CES1: variants seen among roughly 807,000 people sequenced by gnomAD.
The protein encoded by CES1 is liver carboxylesterase 1.
In CES1, 50 loss-of-function variants were observed where a neutral mutation model predicts 53.0. The ratio of observed to expected loss-of-function variants is 0.94; its 90% CI spans 0.75 to 1.19. The LOEUF (loss-of-function observed/expected upper bound fraction) is 1.19. CES1 is among the 50% of genes most tolerant of loss of function. The probability of loss-of-function intolerance (pLI) is 0.00; values close to 1 mark genes in which losing one functional copy is unlikely to be tolerated. For synonymous variants in CES1, 202 were observed against 210.1 expected, an observed-to-expected ratio of 0.96 and a Z score of 0.33; for missense variants, 534 against 538.0, an observed-to-expected ratio of 0.99 and a Z score of 0.07.
At position 55,809,093 on chromosome 16, in the gene CES1, C is replaced by CA. The variant is rs376932562; in HGVS notation, c.1318+1423dup. 5.8e-3 allele frequency among the ~76,000 whole-genome samples: 415 copies of CA among 71,972 alleles called. 21 individuals are homozygous for CA. Among genetic ancestry groups the CA allele is most frequent in the East Asian group, 0.01 (31 of 2,994 alleles). 47.2% of individuals were successfully genotyped at this position (71,972 alleles called of 152,430 possible). Reference sequence around the variant, plus strand: ...GTAGATAAAATCTGTGTAGTCCTGGCAAAAAAAAAAAAAAAAAAGCCCTGA... The same window carrying CA: ...GTAGATAAAATCTGTGTAGTCCTGGCAAAAAAAAAAAAAAAAAAAGCCCTGA... On this transcript the variant is annotated intron_variant, in intron 11 of 13. Transcript: ENST00000360526.
intron 6 of CES1, 24 bp downstream of exon 6, chr16:55,820,348 G>C (rs1316447096): frequency 9.8e-6 from 14 of 1,431,492 alleles, no homozygotes; most frequent in Non-Finnish European, 1.3e-5. Context: ...TGTCCAGCCG[G>C]AGACGTACCA....
rs747893163 is a variant in CES1, at chr16:55,810,581, G to A, written c.1254C>T (p.Phe418=). ...ACATCACATCTGCTATCAAGTCCAG[G>A]AACAGGTCTTTCTTTTTGACAGTGT... ...TDDTVKKKDL[F]LDLIADVMFG... The change falls in exon 11 of 14, where the codon TTC becomes TTT. Residue 418 remains phenylalanine (F), a synonymous_variant. Transcript: ENST00000360526. 6 of 1,614,000 alleles carry A rather than the reference G, an allele frequency of 3.7e-6. No homozygotes were observed. The highest frequency in any genetic ancestry group is 5.1e-6 in the Non-Finnish European group (6 of 1,180,024).
At chr16:55,820,988 C>T (rs2032161705) in intron 5 of CES1, among the ~76,000 whole-genome samples, 1 of 152,114 alleles carries the variant, frequency 6.6e-6, no homozygotes. Context: ...CTCTGCCTGC[C>T]CTTACTCATA....
chr16:55,813,982 A>T (rs146796664), intron 8 of CES1, among the ~76,000 whole-genome samples: 1 of 152,232 alleles, frequency 6.6e-6, no homozygotes, highest in Non-Finnish European at 1.5e-5. Context: ...TGACCATGAA[A>T]GTGCCACCAG....
At chr16:55,817,325 A>T (rs1247784591) in intron 7 of CES1, among the ~76,000 whole-genome samples, 1 of 152,194 alleles carries the variant, frequency 6.6e-6, no homozygotes, top group African/African-American at 2.4e-5. Context: ...AGAATGGTAG[A>T]TTCTCAATAA....
At chr16:55,815,000 C>T (rs574302879) in intron 8 of CES1, among the ~76,000 whole-genome samples, 1 of 152,346 alleles carries the variant, frequency 6.6e-6, no homozygotes, top group Admixed American at 6.5e-5. Context: ...GCAGGGCAGA[C>T]TACGTGGAAG....
rs567812876 is a variant in CES1, at chr16:55,820,226, G to A, written c.801+146C>T. On this transcript the variant is annotated intron_variant, in intron 6 of 13. Transcript: ENST00000360526. ...GGGACGCTGATCAAGGTGTCTCCTC[G>A]CCCTTCCTGCTCAGCCATTGGTGCC... 2,228 of 622,918 alleles carry A rather than the reference G, an allele frequency of 3.6e-3. 2 individuals carry two copies. Among genetic ancestry groups the A allele is most frequent in the Non-Finnish European group, 5.2e-3 (1,794 of 347,668 alleles). The allele number at this position is 622,918 out of a possible 1,614,324, so 38.6% of individuals were successfully genotyped here.
At position 55,812,992 on chromosome 16, in the gene CES1, G is replaced by A. The variant is rs564847260; in HGVS notation, c.997C>T (p.Pro333Ser). 5.6e-6 allele frequency: 9 copies of A among 1,613,894 alleles called. No homozygotes were observed. The Admixed American group carries it at 8.3e-5, about 15-fold the overall frequency. ...VIDGMLLLKT[P>S]EELQAERNFH... ...TTCCTTTCAGCTTGAAGCTCTTCAG[G>A]TGTTTTCAGCAGCAGCATCCCATCA... The change falls in exon 9 of 14, where the codon CCT (proline) becomes TCT (serine). Residue 333 changes from proline to serine, a missense_variant. This residue lies in a region of CES1 where 269 missense variants were observed against 206.6 expected (regional missense o/e 1.30). Transcript: ENST00000360526.
chr16:55,826,705 C>T (rs544501410), intron 2 of CES1, among the ~76,000 whole-genome samples: 1 of 152,138 alleles, frequency 6.6e-6, no homozygotes, highest in Non-Finnish European at 1.5e-5. Flanking sequence ...GGGTGAATTC[C>T]TTTTACACTC....
chr16:55,828,646 T>C, intron 2 of CES1, 121 bp downstream of exon 2: 2 of 1,109,136 alleles, frequency 1.8e-6, no homozygotes, highest in African/African-American at 1.6e-5. Context: ...GGAATGTTCT[T>C]AAGGATCTAC....
chr16:55,827,999 ATT>A (rs2032484149), intron 2 of CES1: 1 of 152,536 alleles, frequency 6.6e-6, no homozygotes, highest in African/African-American at 2.4e-5. Context: ...ATAAGTATAT[ATT>A]ACATTTGCAC....
rs373848052 is a variant in CES1, at chr16:55,816,860, A to T, written c.945+64T>A. On this transcript the variant is annotated intron_variant, in intron 8 of 13. Coordinates refer to ENST00000360526, the MANE Select transcript of CES1 (RefSeq NM_001025195.2). ...CCCAAGAGATGATTCTTTCACTCAC[A>T]GTTAATTGGAGCTTAAAGGTGCTAA... 3.6e-4 allele frequency: 545 copies of T among 1,517,538 alleles called. 1 individual carries two copies. The highest frequency in any genetic ancestry group is 3.4e-4 in the Non-Finnish European group (368 of 1,091,792). 94.0% of individuals were successfully genotyped at this position (1,517,538 alleles called of 1,614,324 possible). A position where few individuals can be genotyped will look rare whatever the true frequency, so the allele number is the denominator to read the frequency against.
At chr16:55,832,901 G>A in intron 1 of CES1, 103 bp downstream of exon 1, 1 of 1,089,602 alleles carries the variant, frequency 9.2e-7, no homozygotes, top group Non-Finnish European at 1.4e-6. Flanking sequence ...CCGCCGCAGA[G>A]CCGGACCTGT....
At chr16:55,816,998 C>A (rs367924922) in intron 7 of CES1, 36 bp from the exon 8 acceptor site, 19 of 1,613,122 alleles carry the variant, frequency 1.2e-5, no homozygotes, top group Non-Finnish European at 1.5e-5. Flanking sequence ...GGGTGAGAGG[C>A]TTACCAGGAG....
At chr16:55,812,059 C>T (rs1285081253) in intron 9 of CES1, among the ~76,000 whole-genome samples, 3 of 152,186 alleles carry the variant, frequency 2.0e-5, no homozygotes, top group African/African-American at 7.2e-5. Context: ...GCCTATGAAA[C>T]GTCATCAGGC....
In CES1 at chr16:55,810,529, G is replaced by C. The variant is rs376976316; in HGVS notation, c.1306C>G (p.Arg436Gly). The C allele has an allele frequency of 7.4e-6, 12 of 1,614,032 alleles. No homozygotes were observed. The East Asian group carries it at 2.7e-4, about 36-fold the overall frequency. ...MFGVPSVIVARNHRDAGAPTY... is the reference protein window; with the variant it reads ...MFGVPSVIVAGNHRDAGAPTY... ...CTCTGGGACTCACCTCTGTGGTTCC[G>C]GGCCACAATCACAGATGGGACACCA... Residue 436 changes from arginine to glycine, a missense_variant, in exon 11 of 14, where the codon CGG becomes GGG. Physicochemically the swap from Arg to Gly is moderately radical, Grantham distance 125. Around this residue, in one of 5 missense-constraint regions of CES1, gnomAD observed 269 missense variants for 206.6 expected, o/e 1.30. Coordinates refer to ENST00000360526, the MANE Select transcript of CES1 (RefSeq NM_001025195.2).
chr16:55,830,773 AGAAGGAAGGAAGGAAGGAAG>A (rs1200351837), intron 1 of CES1, among the ~76,000 whole-genome samples: 4 of 76,956 alleles, frequency 5.2e-5, no homozygotes, highest in Non-Finnish European at 8.3e-5. Flanking sequence ...AAGGAAGGAA[AGAAGGAAGGAAGGAAGGAAG>A]GAAGGAAGGA....
At chr16:55,815,691 C>T (rs550806694) in intron 8 of CES1, among the ~76,000 whole-genome samples, 1 of 151,730 alleles carries the variant, frequency 6.6e-6, no homozygotes, top group Admixed American at 6.5e-5. Flanking sequence ...TGCCACAGCC[C>T]TGTCTAAGCA....
intron 5 of CES1, 132 bp from the exon 6 acceptor site, chr16:55,820,611 T>A (rs2032137607): frequency 1.4e-6 from 2 of 1,446,538 alleles, no homozygotes; most frequent in African/African-American, 2.8e-5. Flanking sequence ...GGGCTGACCC[T>A]CTGCCCACCT....
Sources: allele counts gnomAD v4.1 joint callset (sites outside exome capture counted in the v4.1 genomes callset), GRCh38; gene constraint gnomAD v4.1.1; regional missense constraint gnomAD v4.1.1; transcripts MANE v1.5; gene names NCBI Gene and HGNC (gene_info 2026-07-23, HGNC 2026-07-21).